DOK5: variants seen among roughly 807,000 people sequenced by gnomAD.
DOK5 encodes the protein docking protein 5, also known as downstream of tyrosine kinase 5.
A neutral mutation model predicts 43.3 loss-of-function variants in DOK5; 27 were observed. That is an observed-to-expected ratio of 0.62 (90% CI 0.46 to 0.86). DOK5 has a LOEUF of 0.86. DOK5 is among the 40% of genes least tolerant of loss of function. The pLI is 0.00. For missense variants in DOK5, 373 were observed against 392.9 expected (o/e 0.95, Z 0.43); for synonymous variants, 146 against 140.1 (o/e 1.04, Z -0.30).
intron 1 of DOK5, among the ~76,000 whole-genome samples, chr20:54,543,639 C>T (rs6098063): frequency 3.4e-4 from 52 of 151,472 alleles, no homozygotes; most frequent in South Asian, 3.1e-3. Context: ...GAGAGGATTA[C>T]GTATAGCTCA....
intron 1 of DOK5, among the ~76,000 whole-genome samples, chr20:54,504,922 C>A (rs1396987110): frequency 6.6e-6 from 1 of 152,084 alleles, no homozygotes; most frequent in Non-Finnish European, 1.5e-5. Flanking sequence ...AAAGAGACCT[C>A]ATGACTTTGA....
intron 6 of DOK5, among the ~76,000 whole-genome samples, chr20:54,630,429 G>A (rs1198586152): frequency 6.6e-6 from 1 of 152,134 alleles, no homozygotes; most frequent in Non-Finnish European, 1.5e-5. Context: ...AGTATGAGGA[G>A]CGACAGTTCA....
At chr20:54,499,792 C>T (rs1424142441) in intron 1 of DOK5, among the ~76,000 whole-genome samples, 1 of 152,190 alleles carries the variant, frequency 6.6e-6, no homozygotes, top group African/African-American at 2.4e-5. Flanking sequence ...AATGGAATCT[C>T]AGTCTATTCT....
intron 1 of DOK5, among the ~76,000 whole-genome samples, chr20:54,509,112 G>A (rs1331017376): frequency 6.6e-6 from 1 of 152,206 alleles, no homozygotes; most frequent in Non-Finnish European, 1.5e-5. Context: ...CCGACCTCAA[G>A]TGATCCACTT....
chr20:54,499,189 T>C (rs566967422), intron 1 of DOK5, among the ~76,000 whole-genome samples: 1 of 152,342 alleles, frequency 6.6e-6, no homozygotes, highest in African/African-American at 2.4e-5. Flanking sequence ...TTGCTGTTAC[T>C]CCCTTGGGAG....
intron 2 of DOK5, among the ~76,000 whole-genome samples, chr20:54,581,989 AT>A (rs1266602836): frequency 6.6e-6 from 1 of 151,864 alleles, no homozygotes; most frequent in Non-Finnish European, 1.5e-5. Context: ...GGAAAAAAAA[AT>A]GTTTTCATTT....
intron 1 of DOK5, among the ~76,000 whole-genome samples, chr20:54,533,185 G>A (rs78654948): frequency 7.5e-4 from 114 of 152,258 alleles, no homozygotes; most frequent in African/African-American, 1.7e-3. Flanking sequence ...TGTTTTGTGC[G>A]TTGTAGGATA....
intron 6 of DOK5, among the ~76,000 whole-genome samples, chr20:54,619,446 T>A (rs1309257156): frequency 6.6e-6 from 1 of 152,166 alleles, no homozygotes; most frequent in East Asian, 1.9e-4. Flanking sequence ...GTGTGTGGGA[T>A]ATTCCTCATT....
intron 5 of DOK5, among the ~76,000 whole-genome samples, chr20:54,599,135 C>A (rs1165581124): frequency 1.3e-5 from 2 of 152,198 alleles, no homozygotes; most frequent in Admixed American, 1.3e-4. Context: ...ACAGAGCATA[C>A]ACTTATCCTT....
At chr20:54,617,027 T>A (rs1369748589) in intron 6 of DOK5, among the ~76,000 whole-genome samples, 1 of 152,120 alleles carries the variant, frequency 6.6e-6, no homozygotes, top group Non-Finnish European at 1.5e-5. Context: ...CCTGACCTCA[T>A]GATCCACCCG....
intron 5 of DOK5, among the ~76,000 whole-genome samples, chr20:54,604,211 A>G (rs570019235): frequency 6.6e-6 from 1 of 151,212 alleles, no homozygotes; most frequent in South Asian, 2.1e-4. Flanking sequence ...CTCCCTAAGT[A>G]CTGGGATTAC....
intron 1 of DOK5, chr20:54,494,827 G>A (rs1017189675): frequency 2.6e-5 from 4 of 151,936 alleles, no homozygotes; most frequent in East Asian, 1.9e-4. Flanking sequence ...CCTCCGCAGT[G>A]AACACCCTGC....
At chr20:54,604,511 G>T (rs751282491) in intron 5 of DOK5, among the ~76,000 whole-genome samples, 10 of 151,822 alleles carry the variant, frequency 6.6e-5, no homozygotes, top group Non-Finnish European at 1.3e-4. Flanking sequence ...TGTAGATCTT[G>T]TCTCTCCAAA....
intron 1 of DOK5, among the ~76,000 whole-genome samples, chr20:54,499,974 A>C (rs1455081428): frequency 2.0e-5 from 3 of 152,172 alleles, no homozygotes; most frequent in African/African-American, 7.2e-5. Context: ...AATCCTTGTA[A>C]TTTTAATATT....
At chr20:54,626,092 A>C (rs1987120813) in intron 6 of DOK5, among the ~76,000 whole-genome samples, 2 of 152,212 alleles carry the variant, frequency 1.3e-5, no homozygotes, top group South Asian at 4.1e-4. Context: ...CAGACACTCT[A>C]AAATCCTGGG....
At chr20:54,634,643 G>A (rs913296966) in intron 6 of DOK5, among the ~76,000 whole-genome samples, 1 of 151,556 alleles carries the variant, frequency 6.6e-6, no homozygotes, top group African/African-American at 2.4e-5. Flanking sequence ...AGGTTTCACC[G>A]TGTTAGCCAG....
At chr20:54,603,969 C>G (rs1166670828) in intron 5 of DOK5, among the ~76,000 whole-genome samples, 2 of 98,516 alleles carry the variant, frequency 2.0e-5, no homozygotes, top group Non-Finnish European at 3.7e-5. Flanking sequence ...TTTTTTGAGA[C>G]GGAGTCTTGC....
intron 6 of DOK5, among the ~76,000 whole-genome samples, chr20:54,639,486 T>C (rs561054906): frequency 1.3e-5 from 2 of 152,224 alleles, no homozygotes; most frequent in Non-Finnish European, 2.9e-5. Flanking sequence ...CCCCTGAATT[T>C]TCCCACAATT....
intron 2 of DOK5, among the ~76,000 whole-genome samples, chr20:54,585,796 G>C (rs1316801926): frequency 6.6e-6 from 1 of 152,196 alleles, no homozygotes; most frequent in African/African-American, 2.4e-5. Flanking sequence ...TTATTTCACA[G>C]AGCTTTTATG....
Sources: gnomAD v4.1 joint callset for allele counts (sites outside exome capture counted in the v4.1 genomes callset) on GRCh38, gnomAD v4.1.1 for gene constraint, MANE v1.5 for transcripts, NCBI Gene and HGNC (gene_info 2026-07-23, HGNC 2026-07-21) for gene names.